Variants in C1QTNF1 observed in about 807,000 individuals in gnomAD.
The protein encoded by C1QTNF1 is complement C1q tumor necrosis factor-related protein 1.
C1QTNF1 carries 22 observed loss-of-function variants against 27.8 expected under a neutral mutation model. The observed-to-expected ratio is 0.79, with a 90% confidence interval of 0.56 to 1.13. The LOEUF is 1.13. Among genes scored for constraint, C1QTNF1 ranks in the 50% most tolerant of loss-of-function variants. C1QTNF1 has a pLI of 0.00. For synonymous variants in C1QTNF1, 166 were observed against 154.3 expected, an observed-to-expected ratio of 1.08 and a Z score of -0.56; for missense variants, 373 against 380.2, an observed-to-expected ratio of 0.98 and a Z score of 0.16.
Position 79,043,973 on chromosome 17 carries a change from G to T in C1QTNF1, c.5G>T (p.Gly2Val). 6.2e-7 allele frequency: 1 copy of T among 1,614,052 alleles called. No individual in the cohort carries two copies. The highest frequency in any genetic ancestry group is 8.5e-7 in the Non-Finnish European group (1 of 1,180,028). Residue 2 changes from glycine (G) to valine (V), a missense_variant, in exon 2 of 4, where the codon GGC (glycine) becomes GTC (valine). Physicochemically the swap from Gly to Val is moderately radical, Grantham distance 109. Coordinates refer to ENST00000579760, the MANE Select transcript of C1QTNF1 (RefSeq NM_030968.5). M[G>V]SRGQGLLLAY... ...CCACCAGGGCCCGGCAGGAAGATGG[G>T]CTCCCGTGGACAGGGACTCTTGCTG...
intron 1 of C1QTNF1, among the ~76,000 whole-genome samples, chr17:79,038,466 A>G (rs1339844071): frequency 6.6e-6 from 1 of 152,220 alleles, no homozygotes; most frequent in East Asian, 1.9e-4. Flanking sequence ...GACGCTGAAG[A>G]GCGGCTAGTC....
intron 1 of C1QTNF1, among the ~76,000 whole-genome samples, chr17:79,042,184 C>T (rs372925555): frequency 6.6e-6 from 1 of 152,316 alleles, no homozygotes; most frequent in East Asian, 1.9e-4. Context: ...TAGAGTTGAC[C>T]ACAGTCGCTG....
chr17:79,027,087 G>GA (rs1444356414), intron 1 of C1QTNF1, among the ~76,000 whole-genome samples: 2 of 151,816 alleles, frequency 1.3e-5, no homozygotes, highest in East Asian at 1.9e-4. Flanking sequence ...TGGGCGGGGG[G>GA]GGGCTGTGGC....
upstream of C1QTNF1, among the ~76,000 whole-genome samples, chr17:79,023,579 G>C (rs576080549): frequency 5.4e-4 from 83 of 152,350 alleles, 1 homozygote; most frequent in African/African-American, 1.9e-3. Context: ...CACTGTACTC[G>C]TGCTGTTCTC....
intron 1 of C1QTNF1, among the ~76,000 whole-genome samples, chr17:79,031,834 A>G (rs1437859360): frequency 6.6e-6 from 1 of 152,198 alleles, no homozygotes. Flanking sequence ...GAAGCAATAG[A>G]CTTTCTGAGT....
At chr17:79,034,743 A>G (rs1345322483) in intron 1 of C1QTNF1, among the ~76,000 whole-genome samples, 1 of 152,220 alleles carries the variant, frequency 6.6e-6, no homozygotes, top group Non-Finnish European at 1.5e-5. Flanking sequence ...GGAAGTAACC[A>G]AATAAACACC....
upstream of C1QTNF1, among the ~76,000 whole-genome samples, chr17:79,023,704 G>GCGCGCGCGCA (rs1267428917): frequency 1.3e-3 from 184 of 145,024 alleles, no homozygotes; most frequent in Middle Eastern, 3.4e-3. Context: ...GCGCGCGCGC[G>GCGCGCGCGCA]CACACACACA....
Position 79,037,121 on chromosome 17 carries a change from AT to A in C1QTNF1, c.-14-6827del, listed in dbSNP as rs201856610. Among the ~76,000 whole-genome samples the A allele has an allele frequency of 1.5e-3, 221 of 151,326 alleles. 6 individuals carry two copies. In the East Asian group the frequency reaches 0.034, roughly 23 times the overall value. On this transcript the variant is annotated intron_variant, in intron 1 of 3. Transcript: ENST00000579760. ...GTTTATTTATTCACCATGCCCAGCTATTTTTTTGTTTTTGTTTTTGTTTTTT... is the reference window on the plus strand; with the variant it reads ...GTTTATTTATTCACCATGCCCAGCTATTTTTTGTTTTTGTTTTTGTTTTTT...
chr17:79,030,700 A>T (rs2072118143), intron 1 of C1QTNF1, among the ~76,000 whole-genome samples: 1 of 150,364 alleles, frequency 6.7e-6, no homozygotes. Flanking sequence ...CCTGGGTTCA[A>T]GCGATTCTCC....
intron 1 of C1QTNF1, among the ~76,000 whole-genome samples, chr17:79,039,046 C>T (rs1362297587): frequency 6.6e-6 from 1 of 152,204 alleles, no homozygotes; most frequent in Non-Finnish European, 1.5e-5. Flanking sequence ...CCACCCCACC[C>T]CAGTGACAGC....
rs375199144 is a variant in C1QTNF1 at position 79,044,100 on chromosome 17, G to A, written c.132G>A (p.Pro44=). ...AGTGGGAGGGGACTGAGGAGCTGCC[G>A]TCGCCTCCGGACCATGCCGAGAGGT... ...QQEWEGTEEL[P]SPPDHAERAE... is the part of the protein sequence containing the mutation. The change falls in exon 2 of 4, where the codon CCG becomes CCA. Residue 44 remains proline (P), a synonymous_variant. Coordinates refer to ENST00000579760, the MANE Select transcript of C1QTNF1 (RefSeq NM_030968.5). 79 of 1,612,918 alleles carry A rather than the reference G, an allele frequency of 4.9e-5. No individual in the cohort carries two copies. Among genetic ancestry groups the A allele is most frequent in the Non-Finnish European group, 6.3e-5 (74 of 1,179,618 alleles).
At chr17:79,043,271 GTGT>G (rs1475407200) in intron 1 of C1QTNF1, 6 of 449,252 alleles carry the variant, frequency 1.3e-5, no homozygotes, top group African/African-American at 2.2e-5. Context: ...GTGTGCATGT[GTGT>G]TGAGAGTGTG....
chr17:79,038,764 GA>G lies in C1QTNF1; in HGVS notation c.-14-5188del, dbSNP rs1177847026. On this transcript the variant is annotated intron_variant, in intron 1 of 3. Coordinates refer to ENST00000579760, the MANE Select transcript of C1QTNF1 (RefSeq NM_030968.5). ...CCCTACTGTAGGGGGATTTTTGCTGGAAATCACTAACAGTGATCTGGAGCCA... is the reference window on the plus strand; with the variant it reads ...CCCTACTGTAGGGGGATTTTTGCTGGAATCACTAACAGTGATCTGGAGCCA... 2.0e-5 allele frequency among the ~76,000 whole-genome samples: 3 copies of G among 152,312 alleles called. No homozygotes were observed. The East Asian group carries it at 5.8e-4, about 29-fold the overall frequency.
intron 1 of C1QTNF1, among the ~76,000 whole-genome samples, chr17:79,039,060 G>T (rs747855190): frequency 1.4e-5 from 2 of 146,026 alleles, no homozygotes; most frequent in Non-Finnish European, 3.0e-5. Context: ...TGACAGCATC[G>T]TTCCTAACCC....
Position 79,048,158 on chromosome 17 carries a change from C to G in C1QTNF1, c.*70C>G. Reference sequence around the variant, plus strand: ...CTGTGCTGACCCCACCGCCTCTTCCCCGATCCCTGGACTCCGACTCCCTGG... The same window carrying G: ...CTGTGCTGACCCCACCGCCTCTTCCGCGATCCCTGGACTCCGACTCCCTGG... On this transcript the variant is annotated 3_prime_UTR_variant, in exon 4 of 4. Transcript: ENST00000579760. 9.3e-6 allele frequency: 13 copies of G among 1,394,762 alleles called. No homozygotes were observed. The South Asian group carries it at 1.6e-4, about 18-fold the overall frequency. 86.4% of individuals were successfully genotyped at this position (1,394,762 alleles called of 1,614,324 possible).
At chr17:79,037,216 G>A (rs1243187644) in intron 1 of C1QTNF1, among the ~76,000 whole-genome samples, 3 of 151,972 alleles carry the variant, frequency 2.0e-5, no homozygotes, top group Non-Finnish European at 4.4e-5. Context: ...CACAACCTCC[G>A]ACTCCCTGGT....
intron 1 of C1QTNF1, among the ~76,000 whole-genome samples, chr17:79,042,043 C>T (rs1415539658): frequency 4.6e-5 from 7 of 152,244 alleles, no homozygotes; most frequent in Non-Finnish European, 8.8e-5. Flanking sequence ...CTGGAGTCCA[C>T]GCCGGCCTGG....
At chr17:79,023,458 C>G (rs771133392), upstream of C1QTNF1, among the ~76,000 whole-genome samples, 1 of 152,100 alleles carries the variant, frequency 6.6e-6, no homozygotes, top group Non-Finnish European at 1.5e-5. Context: ...AGCCTACGGG[C>G]CTTGTTCAGA....
chr17:79,044,195 T>C (rs1338222885), intron 2 of C1QTNF1, 72 bp downstream of exon 2: 1 of 1,444,358 alleles, frequency 6.9e-7, no homozygotes, highest in Non-Finnish European at 9.2e-7. Context: ...TTGGGGCCCC[T>C]GGGGGAGCTA....
Sources: allele counts gnomAD v4.1 joint callset (sites outside exome capture counted in the v4.1 genomes callset), GRCh38; gene constraint gnomAD v4.1.1; transcripts MANE v1.5; gene names NCBI Gene and HGNC (gene_info 2026-07-23, HGNC 2026-07-21).